The following RELCH variants were observed in gnomAD, a reference collection of about 807,000 sequenced individuals.
RELCH encodes RAB11-binding protein RELCH.
Under a neutral mutation model 150.3 loss-of-function variants are expected in RELCH, and 41 were observed. The ratio of observed to expected loss-of-function variants is 0.27; its 90% CI spans 0.21 to 0.35. RELCH has a LOEUF of 0.35. Among genes scored for constraint, RELCH ranks in the 10% least tolerant of loss-of-function variants. The pLI is 1.00. For missense variants in RELCH, 1,092 were observed against 1,467.8 expected (o/e 0.74, Z 4.18); for synonymous variants, 478 against 531.8 (o/e 0.90, Z 1.39).
chr18:62,277,652 T>C (rs984247329), intron 22 of RELCH: 1 of 973,324 alleles, frequency 1.0e-6, no homozygotes, highest in African/African-American at 1.8e-5. Context: ...AGGAACCTAA[T>C]AGGGTATGGT....
intron 2 of RELCH, among the ~76,000 whole-genome samples, chr18:62,216,285 T>G (rs760392671): frequency 3.3e-5 from 5 of 152,138 alleles, no homozygotes; most frequent in Non-Finnish European, 7.4e-5. Flanking sequence ...GTCTGAAATA[T>G]GTCTATATCT....
chr18:62,206,712 A>T (rs762684257), intron 1 of RELCH, among the ~76,000 whole-genome samples: 1 of 152,210 alleles, frequency 6.6e-6, no homozygotes, highest in Non-Finnish European at 1.5e-5. Context: ...GTAAAATTTA[A>T]TAGAGAAGCA....
intron 1 of RELCH, 112 bp downstream of exon 1, chr18:62,188,143 C>G (rs13381618): frequency 0.066 from 82,025 of 1,246,818 alleles, 3,139 homozygotes; most frequent in Middle Eastern, 0.15. Flanking sequence ...TTTTAAGGAA[C>G]GAGAGTATTG....
At position 62,291,608 on chromosome 18, in the gene RELCH, G is replaced by T; in HGVS notation, c.3436G>T (p.Glu1146Ter). The change falls in exon 27 of 29, where the codon GAA becomes TAA. Residue 1146 changes from glutamate to a stop codon, truncating the protein, a stop_gained. Coordinates refer to ENST00000644646, the MANE Select transcript of RELCH (RefSeq NM_001346231.2). LOFTEE classifies it high-confidence loss of function. ...TCTCAGATGTTTACGGACTGACATG[G>T]AACATCTCTCTCCAGAGCATGAGGT... Reference protein sequence around the residue: ...PGLRCLRTDMEHLSPEHEVIL... With the variant: ...PGLRCLRTDM The T allele has an allele frequency of 6.2e-7, 1 of 1,608,036 alleles. No homozygotes were observed. Among genetic ancestry groups the T allele is most frequent in the Non-Finnish European group, 8.5e-7 (1 of 1,176,494 alleles).
In RELCH at chr18:62,221,289, A is replaced by G; in HGVS notation, c.744+15A>G. On this transcript the variant is annotated intron_variant, in intron 4 of 28. Transcript: ENST00000644646. ...CTGAAATTCAGGTGGGTGACAGAAG[A>G]CAAATGTAAAATTAATCTTCCACAT... 6.3e-7 allele frequency: 1 copy of G among 1,597,042 alleles called. No individual in the cohort carries two copies.
In RELCH at chr18:62,268,944, T is replaced by C; in HGVS notation, c.2756T>C (p.Ile919Thr). The change falls in exon 20 of 29, where the codon ATT becomes ACT. Residue 919 changes from isoleucine (I) to threonine (T), a missense_variant. Physicochemically the swap from Ile to Thr is moderately conservative, Grantham distance 89 (BLOSUM62 -1). Around this residue, in one of 4 missense-constraint regions of RELCH, gnomAD observed 707 missense variants for 1,025.4 expected, o/e 0.69. Transcript: ENST00000644646. ...IYATGVLTCY[I>T]QEEDRKLLVG... ...GCAACAGGAGTCCTTACGTGTTATA[T>C]TCAGGTAAGGGAAAAATTCTTACTC... 6.6e-7 allele frequency: 1 copy of C among 1,509,828 alleles called. No individual in the cohort carries two copies. Among genetic ancestry groups the C allele is most frequent in the Non-Finnish European group, 8.9e-7 (1 of 1,117,952 alleles). The allele number at this position is 1,509,828 out of a possible 1,614,324, so 93.5% of individuals were successfully genotyped here.
At chr18:62,289,054 C>T (rs1210786122) in intron 26 of RELCH, among the ~76,000 whole-genome samples, 1 of 152,120 alleles carries the variant, frequency 6.6e-6, no homozygotes, top group East Asian at 1.9e-4. Context: ...ATGTTTGGCT[C>T]TGTAAAACCA....
intron 12 of RELCH, 131 bp from the exon 13 acceptor site, chr18:62,255,276 G>A (rs2042937183): frequency 4.2e-6 from 3 of 708,048 alleles, no homozygotes. Context: ...AGTCAAACAG[G>A]GATTCCCAGA....
chr18:62,224,942 C>G (rs2041115891), intron 5 of RELCH, among the ~76,000 whole-genome samples: 1 of 151,878 alleles, frequency 6.6e-6, no homozygotes, highest in African/African-American at 2.4e-5. Flanking sequence ...TTTGGAGGAC[C>G]TAAACTACCT....
chr18:62,290,331 C>T (rs926524228), intron 26 of RELCH, among the ~76,000 whole-genome samples: 1 of 152,028 alleles, frequency 6.6e-6, no homozygotes, highest in Non-Finnish European at 1.5e-5. Context: ...GTCAGGGGTT[C>T]GAGACCAGCC....
intron 11 of RELCH, among the ~76,000 whole-genome samples, chr18:62,251,596 A>C (rs1253479223): frequency 1.3e-5 from 2 of 152,246 alleles, no homozygotes; most frequent in Non-Finnish European, 2.9e-5. Context: ...CACTAGGCCC[A>C]GTCTGCACTC....
intron 11 of RELCH, among the ~76,000 whole-genome samples, chr18:62,245,603 G>A (rs979081064): frequency 6.6e-6 from 1 of 152,024 alleles, no homozygotes; most frequent in East Asian, 1.9e-4. Flanking sequence ...CTCCAGCCTG[G>A]GAGACAAGAG....
intron 10 of RELCH, among the ~76,000 whole-genome samples, chr18:62,244,315 T>C (rs534808674): frequency 1.2e-4 from 19 of 152,282 alleles, no homozygotes; most frequent in Middle Eastern, 3.4e-3. Context: ...TTAGATCTAA[T>C]CATAAGGACA....
chr18:62,255,731 C>A (rs1467924107), intron 13 of RELCH, among the ~76,000 whole-genome samples: 1 of 151,860 alleles, frequency 6.6e-6, no homozygotes, highest in Non-Finnish European at 1.5e-5. Context: ...GTCTGAGGAC[C>A]CTGGGGGTTT....
intron 27 of RELCH, among the ~76,000 whole-genome samples, chr18:62,293,751 A>G (rs2045272613): frequency 6.6e-6 from 1 of 152,098 alleles, no homozygotes; most frequent in Non-Finnish European, 1.5e-5. Flanking sequence ...TGTAATTACT[A>G]CCTAGCTTAA....
At position 62,188,050 on chromosome 18, in the gene RELCH, T is replaced by A; in HGVS notation, c.526+19T>A. ...CAGCTCAGTAAGTGGACGCAGCCTGTCACACTCCGGCAGGGTATTTGGGAT... is the reference window on the plus strand; with the variant it reads ...CAGCTCAGTAAGTGGACGCAGCCTGACACACTCCGGCAGGGTATTTGGGAT... On this transcript the variant is annotated intron_variant, in intron 1 of 28. Transcript: ENST00000644646. 6.5e-7 allele frequency: 1 copy of A among 1,532,466 alleles called. No individual in the cohort carries two copies. The highest frequency in any genetic ancestry group is 8.8e-7 in the Non-Finnish European group (1 of 1,139,836). The allele number at this position is 1,532,466 out of a possible 1,614,324, so 94.9% of individuals were successfully genotyped here.
intron 8 of RELCH, among the ~76,000 whole-genome samples, chr18:62,230,379 G>A (rs2148426369): frequency 6.6e-6 from 1 of 152,024 alleles, no homozygotes; most frequent in African/African-American, 2.4e-5. Flanking sequence ...GAATATGAGA[G>A]GAGCATAAAA....
chr18:62,234,852 T>C (rs976109431), intron 10 of RELCH: 1 of 151,946 alleles, frequency 6.6e-6, no homozygotes, highest in Non-Finnish European at 1.5e-5. Flanking sequence ...ATATATATGA[T>C]TTGCAAATAT....
At chr18:62,290,689 C>T (rs565573358) in intron 26 of RELCH, among the ~76,000 whole-genome samples, 1 of 152,196 alleles carries the variant, frequency 6.6e-6, no homozygotes, top group African/African-American at 2.4e-5. Context: ...TTTCCTGATA[C>T]CTTTTAATGT....
Sources: allele counts gnomAD v4.1 joint callset (sites outside exome capture counted in the v4.1 genomes callset), GRCh38; gene constraint gnomAD v4.1.1; regional missense constraint gnomAD v4.1.1; transcripts MANE v1.5; gene names NCBI Gene and HGNC (gene_info 2026-07-23, HGNC 2026-07-21).